HECW2: variants seen among roughly 807,000 people sequenced by gnomAD.
The protein encoded by HECW2 is E3 ubiquitin-protein ligase HECW2.
HECW2 carries 61 observed loss-of-function variants against 175.2 expected under a neutral mutation model. That is an observed-to-expected ratio of 0.35 (90% CI 0.28 to 0.43). The LOEUF is 0.43. HECW2 is among the 20% of genes least tolerant of loss of function. The pLI is 1.00. For missense variants in HECW2, 1,524 were observed against 2,000.5 expected (o/e 0.76, Z 4.54); for synonymous variants, 671 against 731.0 (o/e 0.92, Z 1.32).
intron 1 of HECW2, among the ~76,000 whole-genome samples, chr2:196,521,906 A>C (rs1271760944): frequency 2.0e-5 from 3 of 151,222 alleles, no homozygotes; most frequent in Admixed American, 2.0e-4. Context: ...GGTTGGTTCC[A>C]AGTCTTTGCT....
chr2:196,481,122 C>T (rs1686828901), intron 1 of HECW2, among the ~76,000 whole-genome samples: 1 of 152,198 alleles, frequency 6.6e-6, no homozygotes, highest in Admixed American at 6.5e-5. Flanking sequence ...TCTGTGAAAA[C>T]CCATGCCTGC....
chr2:196,273,049 A>ATTTTTTTTTTTTTTTT (rs778348590), intron 16 of HECW2, among the ~76,000 whole-genome samples: 25 of 113,114 alleles, frequency 2.2e-4, no homozygotes, highest in African/African-American at 6.5e-4. Flanking sequence ...AGCTGGTCTA[A>ATTTTTTTTTTTTTTTT]TTTTTTTTTT....
intron 1 of HECW2, among the ~76,000 whole-genome samples, chr2:196,453,101 C>A (rs769704293): frequency 6.6e-6 from 1 of 152,126 alleles, no homozygotes; most frequent in Non-Finnish European, 1.5e-5. Context: ...GTTCTGCCTA[C>A]AGAGACCATG....
intron 14 of HECW2, among the ~76,000 whole-genome samples, chr2:196,287,861 C>G (rs1400674142): frequency 6.6e-6 from 1 of 152,170 alleles, no homozygotes; most frequent in Non-Finnish European, 1.5e-5. Flanking sequence ...CAAACTTCAA[C>G]CCATCATTTA....
chr2:196,290,848 T>C (rs1690577776), intron 14 of HECW2: 1 of 152,168 alleles, frequency 6.6e-6, no homozygotes, highest in Non-Finnish European at 1.5e-5. Flanking sequence ...CTGACTCTAA[T>C]TCAGTGTCAT....
At chr2:196,282,550 G>C (rs1690226643) in intron 14 of HECW2, among the ~76,000 whole-genome samples, 1 of 152,186 alleles carries the variant, frequency 6.6e-6, no homozygotes, top group Non-Finnish European at 1.5e-5. Context: ...CTGGAAGCAG[G>C]GGTGGGGGCG....
intron 1 of HECW2, among the ~76,000 whole-genome samples, chr2:196,537,285 G>C (rs751287898): frequency 6.6e-6 from 1 of 152,140 alleles, no homozygotes; most frequent in South Asian, 2.1e-4. Flanking sequence ...AACTGAGAAT[G>C]TGCTGTCCAT....
In HECW2 at chr2:196,242,080, T is replaced by C. The variant is rs1688478182; in HGVS notation, c.3650+4A>G. The C allele has an allele frequency of 6.2e-7, 1 of 1,613,958 alleles. No homozygotes were observed. The highest frequency in any genetic ancestry group is 2.2e-5 in the East Asian group (1 of 44,886). Reference sequence around the variant, plus strand: ...ATTATGTGGTTTGTGTCACTTTGACTTACTTTAACTTCCCTGGGCCTTGTC... The same window carrying C: ...ATTATGTGGTTTGTGTCACTTTGACCTACTTTAACTTCCCTGGGCCTTGTC... On this transcript the variant is annotated splice_donor_region_variant and intron_variant, in intron 20 of 28. Coordinates refer to ENST00000644978, the MANE Select transcript of HECW2 (RefSeq NM_001348768.2).
chr2:196,458,397 T>G (rs1393167443), intron 1 of HECW2, among the ~76,000 whole-genome samples: 1 of 151,990 alleles, frequency 6.6e-6, no homozygotes, highest in Non-Finnish European at 1.5e-5. Flanking sequence ...GCTGGGAGTC[T>G]CTGGATCTTA....
At chr2:196,473,056 T>C (rs1697278492) in intron 1 of HECW2, among the ~76,000 whole-genome samples, 3 of 152,246 alleles carry the variant, frequency 2.0e-5, no homozygotes, top group Non-Finnish European at 4.4e-5. Context: ...CACACTCCCA[T>C]AATAGATAAC....
chr2:196,281,227 G>C (rs1205882899), intron 14 of HECW2, among the ~76,000 whole-genome samples: 1 of 128,936 alleles, frequency 7.8e-6, no homozygotes, highest in African/African-American at 2.9e-5. Context: ...ATCCCCAATA[G>C]CTTTTAGGGC....
intron 1 of HECW2, among the ~76,000 whole-genome samples, chr2:196,451,431 C>CA (rs1383013336): frequency 0.016 from 1,024 of 65,550 alleles, 19 homozygotes; most frequent in African/African-American, 0.036. Flanking sequence ...GACTCCGTCT[C>CA]AAAAAAAAAA....
chr2:196,232,977 G>C (rs749697611), intron 21 of HECW2, among the ~76,000 whole-genome samples: 58 of 152,158 alleles, frequency 3.8e-4, no homozygotes, highest in Admixed American at 1.3e-4. Context: ...ATAATCCAAA[G>C]CTTAGAACTG....
In HECW2 at chr2:196,271,259, C is replaced by T. The variant is rs779132638; in HGVS notation, c.3269G>A (p.Arg1090His). 9.9e-6 allele frequency: 16 copies of T among 1,609,162 alleles called. No homozygotes were observed. The highest frequency in any genetic ancestry group is 3.3e-5 in the South Asian group (3 of 90,898). ...AYNDKIVAFL[R>H]QPNIFEILQE... ...TAGAATTTCAAAGATATTGGGTTGA[C>T]GTAGAAATGCAACAATCTTGTCATT... is the stretch of plus-strand genomic sequence containing the variant. Residue 1090 changes from arginine (R) to histidine (H), a missense_variant, in exon 17 of 29, where the codon CGT becomes CAT. Arg to His is a conservative substitution (Grantham distance 29). Around this residue, in one of 11 missense-constraint regions of HECW2, gnomAD observed 291 missense variants for 412.2 expected, o/e 0.71. Transcript: ENST00000644978.
At chr2:196,587,130 T>C (rs1448949825) in intron 1 of HECW2, among the ~76,000 whole-genome samples, 1 of 152,234 alleles carries the variant, frequency 6.6e-6, no homozygotes, top group Non-Finnish European at 1.5e-5. Flanking sequence ...AATTATAATC[T>C]CTTACCTACC....
intron 2 of HECW2, among the ~76,000 whole-genome samples, chr2:196,379,557 C>A (rs1051046327): frequency 6.6e-6 from 1 of 151,694 alleles, no homozygotes; most frequent in Middle Eastern, 3.2e-3. Context: ...TGGTGGCGGG[C>A]GCCTGTAGTC....
chr2:196,253,788 C>T, intron 19 of HECW2, 132 bp downstream of exon 19: 1 of 713,300 alleles, frequency 1.4e-6, no homozygotes, highest in East Asian at 2.6e-5. Flanking sequence ...AGGAAATGCA[C>T]ACGTGTATCT....
chr2:196,457,705 T>C (rs1271719189), intron 1 of HECW2, among the ~76,000 whole-genome samples: 1 of 152,190 alleles, frequency 6.6e-6, no homozygotes, highest in East Asian at 1.9e-4. Flanking sequence ...ATTTCCAAGA[T>C]ACCTCTTAGC....
In HECW2 at chr2:196,219,915, C is replaced by G; in HGVS notation, c.4408+124G>C. On this transcript the variant is annotated intron_variant, in intron 26 of 28. Coordinates refer to ENST00000644978, the MANE Select transcript of HECW2 (RefSeq NM_001348768.2). ...TACCTTGCCCAAGGTCTCAAGGGAG[C>G]CTGCATCAGACCTATGATTAGAGTC... 4 of 646,190 alleles carry G rather than the reference C, an allele frequency of 6.2e-6. No homozygotes were observed. The South Asian group carries it at 7.3e-5, about 12-fold the overall frequency. The allele number at this position is 646,190 out of a possible 1,614,324, so 40.0% of individuals were successfully genotyped here.
Sources: gnomAD v4.1 joint callset for allele counts (sites outside exome capture counted in the v4.1 genomes callset) on GRCh38, gnomAD v4.1.1 for gene constraint, gnomAD v4.1.1 regional missense constraint, MANE v1.5 for transcripts, NCBI Gene and HGNC (gene_info 2026-07-23, HGNC 2026-07-21) for gene names.